Variants in STARD9 observed in about 807,000 individuals in gnomAD.
The protein encoded by STARD9 is stAR-related lipid transfer protein 9.
A neutral mutation model predicts 399.8 loss-of-function variants in STARD9; 346 were observed. The ratio of observed to expected loss-of-function variants is 0.87; its 90% CI spans 0.79 to 0.95. The LOEUF is 0.95. Ranked by LOEUF, STARD9 falls within the 40% of genes least tolerant of loss-of-function variation. The pLI is 0.00. For synonymous variants in STARD9, 2,203 were observed against 2,143.5 expected (o/e 1.03, Z -0.77); for missense variants, 5,832 against 5,667.5 (o/e 1.03, Z -0.93).
chr15:42,610,151 A>G (rs562096552), intron 3 of STARD9, among the ~76,000 whole-genome samples: 14 of 152,160 alleles, frequency 9.2e-5, no homozygotes, highest in Non-Finnish European at 2.1e-4. Flanking sequence ...TTTTGTGATC[A>G]TTTACGTAAA....
rs2060686008 is a variant in STARD9 at position 42,691,148 on chromosome 15, A to G, written c.9570A>G (p.Gln3190=). The G allele has an allele frequency of 6.5e-7, 1 of 1,537,162 alleles. No individual in the cohort carries two copies. The highest frequency in any genetic ancestry group is 8.7e-7 in the Non-Finnish European group (1 of 1,146,920). Residue 3190 remains glutamine (Q), a synonymous_variant, in exon 23 of 33, where the codon CAA becomes CAG. Coordinates refer to ENST00000290607, the MANE Select transcript of STARD9 (RefSeq NM_020759.3). Reference sequence around the variant, plus strand: ...GGGATCACAATCGCTTGGATTCCCAAGCCAAGTTTGTAGCAAGGTTAAAAC... The same window carrying G: ...GGGATCACAATCGCTTGGATTCCCAGGCCAAGTTTGTAGCAAGGTTAAAAC... The part of the protein sequence containing the change: ...ELRDHNRLDS[Q]AKFVARLKHT...
At position 42,669,171 on chromosome 15, in the gene STARD9, C is replaced by G. The variant is rs1046749714; in HGVS notation, c.1331C>G (p.Thr444Ser). The G allele has an allele frequency of 1.3e-6, 2 of 1,534,014 alleles. No individual in the cohort carries two copies. The highest frequency in any genetic ancestry group is 2.7e-5 in the African/African-American group (2 of 72,984). Residue 444 changes from threonine (T) to serine (S), a missense_variant, in exon 16 of 33, where the codon ACT becomes AGT. Transcript: ENST00000290607. Reference protein sequence around the residue: ...LQNELKIDQLTKDWTQKWNDW... With the variant: ...LQNELKIDQLSKDWTQKWNDW... The stretch of plus-strand genomic sequence containing the variant: ...ATACCTCTGCAGATAGACCAGCTGA[C>G]TAAAGACTGGACCCAGAAGTGGAAT...
At chr15:42,593,590 C>G (rs2058442503) in intron 3 of STARD9, among the ~76,000 whole-genome samples, 1 of 146,138 alleles carries the variant, frequency 6.8e-6, no homozygotes, top group Non-Finnish European at 1.5e-5. Flanking sequence ...AGATTTTTGT[C>G]TGAATTCAAA....
chr15:42,635,185 G>T (rs889242908), intron 4 of STARD9, among the ~76,000 whole-genome samples: 2 of 151,514 alleles, frequency 1.3e-5, no homozygotes, highest in Admixed American at 6.6e-5. Flanking sequence ...GTGGGAACCC[G>T]GGAGGCGGAG....
chr15:42,638,059 C>T lies in STARD9; in HGVS notation c.418C>T (p.Leu140=). 1 of 1,537,374 alleles carries T rather than the reference C, an allele frequency of 6.5e-7. No individual in the cohort carries two copies. The highest frequency in any genetic ancestry group is 8.7e-7 in the Non-Finnish European group (1 of 1,146,940). ...CGTCAGGGAGAAAGACTGTGCCTCA[C>T]TGCCTTCCTCCTGTAGGATAAAAGT... is the stretch of plus-strand genomic sequence containing the variant. ...LFVREKDCAS[L]PSSCRIKVSF... is the part of the protein sequence containing the mutation. The change falls in exon 6 of 33, where the codon CTG becomes TTG. Residue 140 remains leucine, a synonymous_variant. Coordinates refer to ENST00000290607, the MANE Select transcript of STARD9 (RefSeq NM_020759.3).
In STARD9 at chr15:42,685,438, T is replaced by C; in HGVS notation, c.3860T>C (p.Leu1287Pro). Reference sequence around the variant, plus strand: ...CCTCAGTTCCAACCCCATTGTGAGCTCCAACCCCATTGTGAGCTCCAACCC... The same window carrying C: ...CCTCAGTTCCAACCCCATTGTGAGCCCCAACCCCATTGTGAGCTCCAACCC... ...LDPQFQPHCE[L>P]QPHCELQPHC... The change falls in exon 23 of 33, where the codon CTC becomes CCC. Residue 1287 changes from leucine to proline, a missense_variant. Physicochemically the swap from Leu to Pro is moderately conservative, Grantham distance 98 (BLOSUM62 -3). Transcript: ENST00000290607. 2 of 1,537,030 alleles carry C rather than the reference T, an allele frequency of 1.3e-6. No homozygotes were observed. Among genetic ancestry groups the C allele is most frequent in the South Asian group, 1.2e-5 (1 of 84,044 alleles).
intron 7 of STARD9, 46 bp downstream of exon 7, chr15:42,638,858 G>C (rs2141936844): frequency 1.7e-6 from 2 of 1,177,566 alleles, no homozygotes; most frequent in Non-Finnish European, 2.4e-6. Context: ...CTGAAGCCTG[G>C]GAAGCTCTCC....
intron 3 of STARD9, among the ~76,000 whole-genome samples, chr15:42,590,294 C>G (rs763485896): frequency 6.6e-6 from 1 of 152,194 alleles, no homozygotes; most frequent in Non-Finnish European, 1.5e-5. Context: ...TATCTGCTCT[C>G]CCAGAAGGAA....
intron 3 of STARD9, among the ~76,000 whole-genome samples, chr15:42,606,536 A>C (rs963390499): frequency 6.6e-6 from 1 of 150,422 alleles, no homozygotes; most frequent in Admixed American, 6.6e-5. Context: ...GGTCACTGCA[A>C]CCTTCACCTC....
chr15:42,691,010 G>A lies in STARD9; in HGVS notation c.9432G>A (p.Leu3144=). Residue 3144 remains leucine (L), a synonymous_variant, in exon 23 of 33, where the codon CTG becomes CTA. Transcript: ENST00000290607. The part of the protein sequence containing the change: ...PPATTQGPHT[L]DLSEGSAESK... ...CAACAACTCAGGGACCACACACCCT[G>A]GATTTAAGTGAAGGGTCTGCTGAGA... 4 of 1,537,192 alleles carry A rather than the reference G, an allele frequency of 2.6e-6. No homozygotes were observed. Among genetic ancestry groups the A allele is most frequent in the Non-Finnish European group, 3.5e-6 (4 of 1,146,894 alleles).
intron 32 of STARD9, among the ~76,000 whole-genome samples, 172 bp downstream of exon 32, chr15:42,719,082 T>C (rs980812667): frequency 1.3e-5 from 2 of 152,152 alleles, no homozygotes; most frequent in Admixed American, 6.5e-5. Context: ...CAGTGGGGAA[T>C]TGGAGAGAAG....
chr15:42,634,991 T>C lies in STARD9; in HGVS notation c.351+19T>C, dbSNP rs1448320215. On this transcript the variant is annotated intron_variant, in intron 4 of 32. Coordinates refer to ENST00000290607, the MANE Select transcript of STARD9 (RefSeq NM_020759.3). ...GACCCCAGTGAGTATTACAATGATATATATTCCTAATGCCACAGCAAGCCT... is the reference window on the plus strand; with the variant it reads ...GACCCCAGTGAGTATTACAATGATACATATTCCTAATGCCACAGCAAGCCT... The C allele has an allele frequency of 4.3e-6, 6 of 1,381,468 alleles. No individual in the cohort carries two copies. Among genetic ancestry groups the C allele is most frequent in the African/African-American group, 1.4e-5 (1 of 69,808 alleles). 85.6% of individuals were successfully genotyped at this position (1,381,468 alleles called of 1,614,324 possible).
intron 26 of STARD9, among the ~76,000 whole-genome samples, chr15:42,706,159 A>G (rs1181334468): frequency 6.6e-6 from 1 of 152,222 alleles, no homozygotes; most frequent in African/African-American, 2.4e-5. Context: ...GGGAGAAACC[A>G]CGTCTTATGC....
At chr15:42,601,453 C>G (rs2058624859) in intron 3 of STARD9, among the ~76,000 whole-genome samples, 1 of 150,648 alleles carries the variant, frequency 6.6e-6, no homozygotes, top group Non-Finnish European at 1.5e-5. Flanking sequence ...GGCAGAGGCG[C>G]CCCCCAACCT....
At position 42,685,439 on chromosome 15, in the gene STARD9, C is replaced by G. The variant is rs771475238; in HGVS notation, c.3861C>G (p.Leu1287=). The G allele has an allele frequency of 1.3e-6, 2 of 1,537,170 alleles. No individual in the cohort carries two copies. Among genetic ancestry groups the G allele is most frequent in the Admixed American group, 3.9e-5 (2 of 50,978 alleles). Residue 1287 remains leucine (L), a synonymous_variant, in exon 23 of 33, where the codon CTC becomes CTG. Transcript: ENST00000290607. ...CTCAGTTCCAACCCCATTGTGAGCT[C>G]CAACCCCATTGTGAGCTCCAACCCC... The part of the protein sequence containing the change: ...LDPQFQPHCE[L]QPHCELQPHC...
At chr15:42,648,757 T>C (rs114829780) in intron 7 of STARD9, among the ~76,000 whole-genome samples, 3,876 of 152,180 alleles carry the variant, frequency 0.025, 171 homozygotes, top group African/African-American at 0.089. Context: ...TTTCCCTTTT[T>C]TCCCCCCTTC....
Position 42,692,639 on chromosome 15 carries a change from C to G in STARD9, c.11061C>G (p.Leu3687=). ...ATCTGTCTCTCCACCTCTCACAGCT[C>G]CTGCACAGTACCTCAGAGCTGCTTG... ...MHNLSLHLSQ[L]LHSTSELLGS... Residue 3687 remains leucine (L), a synonymous_variant, in exon 23 of 33, where the codon CTC becomes CTG. Coordinates refer to ENST00000290607, the MANE Select transcript of STARD9 (RefSeq NM_020759.3). The G allele has an allele frequency of 6.5e-7, 1 of 1,537,212 alleles. No homozygotes were observed. Among genetic ancestry groups the G allele is most frequent in the Non-Finnish European group, 8.7e-7 (1 of 1,146,912 alleles).
chr15:42,613,745 A>G (rs992189529), intron 3 of STARD9, among the ~76,000 whole-genome samples: 1 of 152,058 alleles, frequency 6.6e-6, no homozygotes, highest in East Asian at 1.9e-4. Flanking sequence ...CGGGTGGATC[A>G]TCTGAGGTCA....
intron 3 of STARD9, among the ~76,000 whole-genome samples, chr15:42,622,296 A>G (rs1210831837): frequency 6.6e-6 from 1 of 152,108 alleles, no homozygotes; most frequent in Non-Finnish European, 1.5e-5. Context: ...AAAAAGAATA[A>G]TGAAAAATGA....
Sources: gnomAD v4.1 joint callset for allele counts (sites outside exome capture counted in the v4.1 genomes callset) on GRCh38, gnomAD v4.1.1 for gene constraint, MANE v1.5 for transcripts, NCBI Gene and HGNC (gene_info 2026-07-23, HGNC 2026-07-21) for gene names.